CYP2C19: variants seen among roughly 807,000 people sequenced by gnomAD.
CYP2C19 encodes the protein cytochrome P450 family 2 subfamily C member 19.
A neutral mutation model predicts 40.9 loss-of-function variants in CYP2C19; 59 were observed. The observed-to-expected ratio is 1.44, with a 90% CI of 1.17 to 1.79. The LOEUF is 1.79. CYP2C19 is among the 40% of genes most tolerant of loss of function. CYP2C19 has a pLI of 0.00. For missense variants in CYP2C19, 754 were observed against 596.9 expected (o/e 1.26, Z -2.74); for synonymous variants, 253 against 208.7 (o/e 1.21, Z -1.83).
chr10:94,847,599 G>A (rs1589378378), intron 7 of CYP2C19, among the ~76,000 whole-genome samples: 3 of 152,126 alleles, frequency 2.0e-5, no homozygotes, highest in Non-Finnish European at 1.5e-5. Flanking sequence ...ACCCAGTAAT[G>A]GGATGGCTGG....
At chr10:94,774,943 G>T in intron 1 of CYP2C19, 115 bp from the exon 2 acceptor site, 2 of 1,079,442 alleles carry the variant, frequency 1.9e-6, no homozygotes, top group Non-Finnish European at 2.7e-6. Context: ...AAATATTTGA[G>T]CCTGTGTGAC....
rs890040744 is a variant in CYP2C19 at position 94,770,764 on chromosome 10, A to G, written c.169-4294A>G. 1.1e-4 allele frequency among the ~76,000 whole-genome samples: 16 copies of G among 152,110 alleles called. 1 individual carries two copies. The highest frequency in any genetic ancestry group is 1.0e-3 in the Admixed American group (16 of 15,286). On this transcript the variant is annotated intron_variant, in intron 1 of 8. Coordinates refer to ENST00000371321, the MANE Select transcript of CYP2C19 (RefSeq NM_000769.4). ...TATGGTGGACATCATTGAATAATTC[A>G]TGGGCTTTTTCCTAATTCTCCTTAC...
intron 7 of CYP2C19, among the ~76,000 whole-genome samples, chr10:94,849,428 A>AG (rs1205107132): frequency 1.4e-5 from 2 of 143,250 alleles, no homozygotes; most frequent in Non-Finnish European, 3.0e-5. Context: ...GAGTACAAAG[A>AG]GAAAAAAAAA....
Position 94,855,425 on chromosome 10 carries a change from G to T in CYP2C19, c.*2511G>T, listed in dbSNP as rs1336840912. ...CTAATTCTCTGCATTTATTTTTATT[G>T]TTTGTATTTCTTCCCTAAAATACAT... On this transcript the variant is annotated 3_prime_UTR_variant, in exon 9 of 9. Coordinates refer to ENST00000371321, the MANE Select transcript of CYP2C19 (RefSeq NM_000769.4). Among the ~76,000 whole-genome samples, 1 of 152,118 alleles carries T rather than the reference G, an allele frequency of 6.6e-6. No individual in the cohort carries two copies. The highest frequency in any genetic ancestry group is 1.5e-5 in the Non-Finnish European group (1 of 68,018).
chr10:94,827,854 G>T (rs987443669), intron 6 of CYP2C19, among the ~76,000 whole-genome samples: 1 of 151,902 alleles, frequency 6.6e-6, no homozygotes, highest in African/African-American at 2.4e-5. Context: ...AGAGATTCTG[G>T]TATGTTGTGT....
At chr10:94,838,987 G>C (rs1410984393) in intron 6 of CYP2C19, among the ~76,000 whole-genome samples, 1 of 152,062 alleles carries the variant, frequency 6.6e-6, no homozygotes, top group Non-Finnish European at 1.5e-5. Context: ...TAATTCTCCA[G>C]AATACATCTT....
At chr10:94,835,141 A>G (rs577394938) in intron 6 of CYP2C19, among the ~76,000 whole-genome samples, 1 of 152,190 alleles carries the variant, frequency 6.6e-6, no homozygotes, top group African/African-American at 2.4e-5. Flanking sequence ...TACAGCTTCA[A>G]TTCTGGAAGA....
intron 8 of CYP2C19, 110 bp downstream of exon 8, chr10:94,850,168 A>C: frequency 1.6e-6 from 2 of 1,286,590 alleles, no homozygotes; most frequent in Non-Finnish European, 2.2e-6. Context: ...TTTGTACATG[A>C]TCAAGAGCAC....
rs977171237 is a variant in CYP2C19 at position 94,819,152 on chromosome 10, C to T, written c.820-1344C>T. 2.4e-3 allele frequency among the ~76,000 whole-genome samples: 364 copies of T among 149,240 alleles called. 1 individual carries two copies. Among genetic ancestry groups the T allele is most frequent in the African/African-American group, 8.5e-3 (343 of 40,328 alleles). On this transcript the variant is annotated intron_variant, in intron 5 of 8. Coordinates refer to ENST00000371321, the MANE Select transcript of CYP2C19 (RefSeq NM_000769.4). ...TCCTGAATGACTACTGGGTATATAA[C>T]GAAATGAAGGCAGAAATAAAGATGT...
chr10:94,804,498 G>A (rs1240342514), intron 5 of CYP2C19, among the ~76,000 whole-genome samples: 1 of 152,184 alleles, frequency 6.6e-6, no homozygotes, highest in Non-Finnish European at 1.5e-5. Context: ...CTTGGTCCCA[G>A]GTATGGGAAA....
At chr10:94,784,347 T>C (rs920594040) in intron 5 of CYP2C19, among the ~76,000 whole-genome samples, 2 of 152,144 alleles carry the variant, frequency 1.3e-5, no homozygotes, top group Non-Finnish European at 2.9e-5. Context: ...TAGATAATCT[T>C]TCTTTAACCA....
chr10:94,845,231 C>A lies in CYP2C19; in HGVS notation c.1149+2207C>A, dbSNP rs552896424. ...TAGTAAATATTTTAGACTTTTTAGG[C>A]CATGATGTTTCTGTTGCAATCCTTG... On this transcript the variant is annotated intron_variant, in intron 7 of 8. Transcript: ENST00000371321. Among the ~76,000 whole-genome samples, 28 of 152,208 alleles carry A rather than the reference C, an allele frequency of 1.8e-4. No individual in the cohort carries two copies. The South Asian group carries it at 5.4e-3, about 29-fold the overall frequency.
rs984128244 is a variant in CYP2C19 at position 94,843,147 on chromosome 10, A to G, written c.1149+123A>G. On this transcript the variant is annotated intron_variant, in intron 7 of 8. Coordinates refer to ENST00000371321, the MANE Select transcript of CYP2C19 (RefSeq NM_000769.4). ...CATTACTCCTATGTATGGCAGTTTA[A>G]TTGGACTTTCTGTTGATTCCAGTTT... is the stretch of plus-strand genomic sequence containing the variant. 20 of 1,221,496 alleles carry G rather than the reference A, an allele frequency of 1.6e-5. No homozygotes were observed. In the African/African-American group the frequency reaches 2.8e-4, roughly 17 times the overall value. 75.7% of individuals were successfully genotyped at this position (1,221,496 alleles called of 1,614,324 possible).
rs766344696 is a variant in CYP2C19 at position 94,842,876 on chromosome 10, A to T, written c.1001A>T (p.Asn334Ile). 75 of 1,614,042 alleles carry T rather than the reference A, an allele frequency of 4.6e-5. No individual in the cohort carries two copies. The highest frequency in any genetic ancestry group is 6.3e-5 in the Non-Finnish European group (74 of 1,180,032). The stretch of plus-strand genomic sequence containing the variant: ...GAGATTGAACGTGTCATTGGCAGAA[A>T]CCGGAGCCCCTGCATGCAGGACAGG... The part of the protein sequence containing the change: ...QEEIERVIGR[N>I]RSPCMQDRGH... The change falls in exon 7 of 9, where the codon AAC becomes ATC. Residue 334 changes from asparagine to isoleucine, a missense_variant. By Grantham distance (149) the Asn-to-Ile change is moderately radical. Coordinates refer to ENST00000371321, the MANE Select transcript of CYP2C19 (RefSeq NM_000769.4).
intron 3 of CYP2C19, among the ~76,000 whole-genome samples, chr10:94,777,859 C>G (rs1448909445): frequency 6.6e-6 from 1 of 152,076 alleles, no homozygotes; most frequent in Non-Finnish European, 1.5e-5. Flanking sequence ...GAACAGGCAA[C>G]CTACAGAATG....
At chr10:94,789,086 C>G (rs544227556) in intron 5 of CYP2C19, among the ~76,000 whole-genome samples, 1 of 152,228 alleles carries the variant, frequency 6.6e-6, no homozygotes, top group East Asian at 1.9e-4. Context: ...TTGCATTCTT[C>G]TAATGACCAG....
rs1411290534 is a variant in CYP2C19, at chr10:94,823,522, C to T, written c.961+2885C>T. Among the ~76,000 whole-genome samples, 6 of 152,052 alleles carry T rather than the reference C, an allele frequency of 3.9e-5. No homozygotes were observed. The South Asian group carries it at 1.0e-3, about 26-fold the overall frequency. ...CTAGAGAAATGACATTTTTCTTTTGCCATCTTAACAGAAAATTATCTTCAA... is the reference window on the plus strand; with the variant it reads ...CTAGAGAAATGACATTTTTCTTTTGTCATCTTAACAGAAAATTATCTTCAA... On this transcript the variant is annotated intron_variant, in intron 6 of 8. Transcript: ENST00000371321.
At chr10:94,801,896 G>C (rs1229727288) in intron 5 of CYP2C19, among the ~76,000 whole-genome samples, 1 of 152,188 alleles carries the variant, frequency 6.6e-6, no homozygotes, top group Admixed American at 6.5e-5. Flanking sequence ...GACCTTTGTG[G>C]TGAGTGTTAG....
Position 94,801,958 on chromosome 10 carries a change from G to T in CYP2C19, c.820-18538G>T, listed in dbSNP as rs140554854. 2.2e-4 allele frequency among the ~76,000 whole-genome samples: 34 copies of T among 152,294 alleles called. No homozygotes were observed. The East Asian group carries it at 6.4e-3, about 29-fold the overall frequency. ...AAAGTGAGTAGCAGCAAGATTTATT[G>T]TGGAGAGCGAAAGAACAAAGCTTTG... On this transcript the variant is annotated intron_variant, in intron 5 of 8. Transcript: ENST00000371321.
Sources: gnomAD v4.1 joint callset for allele counts (sites outside exome capture counted in the v4.1 genomes callset) on GRCh38, gnomAD v4.1.1 for gene constraint, MANE v1.5 for transcripts, NCBI Gene and HGNC (gene_info 2026-07-23, HGNC 2026-07-21) for gene names.